COXFA4L3: variants seen among roughly 807,000 people sequenced by gnomAD.
COXFA4L3 encodes MIR147B host.
chr15:45,431,260 A>G, the COXFA4L3 span: 2 of 459,578 alleles, frequency 4.4e-6, no homozygotes, highest in Non-Finnish European at 7.7e-6. Flanking sequence ...TTGTCTACCA[A>G]TGGGTCAGAA....
chr15:45,431,936 C>A, the COXFA4L3 span: 1 of 696,164 alleles, frequency 1.4e-6, no homozygotes, highest in Non-Finnish European at 2.4e-6. Context: ...TTAGTTGCTA[C>A]TGATGGTTCC....
At chr15:45,432,134 T>TG in the COXFA4L3 span, 1 of 1,611,154 alleles carries the variant, frequency 6.2e-7, no homozygotes, top group East Asian at 2.2e-5. Flanking sequence ...CCTCAAAAGG[T>TG]ATTGTTAAAT....
chr15:45,432,244 C>G, the COXFA4L3 span: 1 of 822,922 alleles, frequency 1.2e-6, no homozygotes, highest in South Asian at 1.7e-5. Flanking sequence ...TCAATTGTGC[C>G]TTCATCGAGT....
At chr15:45,431,719 G>A in the COXFA4L3 span, among the ~76,000 whole-genome samples, 2 of 152,202 alleles carry the variant, frequency 1.3e-5, no homozygotes, top group African/African-American at 2.4e-5. Flanking sequence ...CACCTGCAGA[G>A]TTCAACCTGC....
At chr15:45,432,056 C>A in the COXFA4L3 span, 1 of 1,610,446 alleles carries the variant, frequency 6.2e-7, no homozygotes. Context: ...GTTTAATTGG[C>A]TTTCTTTAAT....
chr15:45,433,225 G>C, the COXFA4L3 span: 1 of 541,606 alleles, frequency 1.8e-6, no homozygotes, highest in Non-Finnish European at 3.4e-6. Context: ...TTGTAAATTT[G>C]AATATTGCAT....
the COXFA4L3 span, chr15:45,432,968 A>G: frequency 6.2e-7 from 1 of 1,613,894 alleles, no homozygotes; most frequent in Non-Finnish European, 8.5e-7. Context: ...TCAACCAACA[A>G]TGGAAACCCA....
the COXFA4L3 span, chr15:45,433,118 TA>T: frequency 8.2e-7 from 1 of 1,224,420 alleles, no homozygotes; most frequent in Non-Finnish European, 1.2e-6. Flanking sequence ...ATGCTTCTGC[TA>T]CATTTTTAGG....
the COXFA4L3 span, chr15:45,431,313 A>G: frequency 6.9e-6 from 3 of 434,336 alleles, no homozygotes; most frequent in South Asian, 4.8e-5. Context: ...AAAAAAACCC[A>G]TGATATTAAT....
At chr15:45,432,542 G>C in the COXFA4L3 span, among the ~76,000 whole-genome samples, 1 of 152,200 alleles carries the variant, frequency 6.6e-6, no homozygotes, top group Non-Finnish European at 1.5e-5. Flanking sequence ...GAACGCACCT[G>C]TAAACCCAGC....
the COXFA4L3 span, chr15:45,433,305 C>A: frequency 3.2e-6 from 1 of 316,902 alleles, no homozygotes; most frequent in Admixed American, 4.6e-5. Flanking sequence ...ATTAGATTTT[C>A]TTTAATAAAA....
chr15:45,432,919 G>GA, the COXFA4L3 span: 5 of 1,209,154 alleles, frequency 4.1e-6, no homozygotes, highest in Admixed American at 9.4e-5. Flanking sequence ...TTAACAAAAG[G>GA]TTTTTTTTTT....
chr15:45,431,676 G>T, the COXFA4L3 span, among the ~76,000 whole-genome samples: 210 of 152,276 alleles, frequency 1.4e-3, 1 homozygote, highest in Non-Finnish European at 2.4e-3. Context: ...TCCTCTAACC[G>T]CTGGCAGAGG....
At chr15:45,431,054 C>G in the COXFA4L3 span, 6 of 1,614,020 alleles carry the variant, frequency 3.7e-6, no homozygotes, top group African/African-American at 1.3e-5. Flanking sequence ...CCTCATCTTT[C>G]GCTGTGTATT....
the COXFA4L3 span, chr15:45,430,982 T>A: frequency 6.2e-7 from 1 of 1,611,474 alleles, no homozygotes; most frequent in Non-Finnish European, 8.5e-7. Context: ...ATGTGTCCCC[T>A]CCACCTGTTA....
At chr15:45,430,874 A>C in the COXFA4L3 span, 1 of 1,586,766 alleles carries the variant, frequency 6.3e-7, no homozygotes, top group Admixed American at 1.8e-5. Flanking sequence ...TAAAGTTTTC[A>C]TTTTTAAAGA....
chr15:45,431,402 T>G, the COXFA4L3 span: 7 of 218,978 alleles, frequency 3.2e-5, no homozygotes, highest in East Asian at 1.0e-4. Context: ...AAAGCTTGTT[T>G]TTTTTTTTTT....
chr15:45,432,158 T>C, the COXFA4L3 span: 1 of 1,603,672 alleles, frequency 6.2e-7, no homozygotes, highest in Non-Finnish European at 8.5e-7. Flanking sequence ...AAACAAATGA[T>C]TTATATTTTG....
At chr15:45,430,840 T>C in the COXFA4L3 span, 17 of 1,608,250 alleles carry the variant, frequency 1.1e-5, no homozygotes, top group Non-Finnish European at 1.4e-5. Context: ...GAAGTAAGTT[T>C]TAAAAACAAT....
Sources: allele counts gnomAD v4.1 joint callset (sites outside exome capture counted in the v4.1 genomes callset), GRCh38; gene constraint gnomAD v4.1.1; transcripts MANE v1.5; gene names NCBI Gene and HGNC (gene_info 2026-07-23, HGNC 2026-07-21).